The following DMD variants were observed in gnomAD, a reference collection of about 807,000 sequenced individuals.
The protein encoded by DMD is mutant dystrophin.
A neutral mutation model predicts 330.1 loss-of-function variants in DMD; 63 were observed. That is an observed-to-expected ratio of 0.19 (90% CI 0.16 to 0.24). DMD has a LOEUF of 0.24. Among genes scored for constraint, DMD ranks in the 10% least tolerant of loss-of-function variants. DMD has a pLI of 1.00. For synonymous variants in DMD, 1,223 were observed against 959.8 expected (o/e 1.27, Z -5.07); for missense variants, 3,344 against 2,684.1 (o/e 1.25, Z -5.43).
At chrX:32,538,689 A>T (rs2048218130) in intron 17 of DMD, among the ~76,000 whole-genome samples, 1 of 111,415 alleles carries the variant, frequency 9.0e-6, no homozygotes, top group Non-Finnish European at 1.9e-5. Context: ...TGTGGGCCCT[A>T]AATCAGTAGC....
chrX:31,666,064 G>A (rs1569200144), intron 53 of DMD, among the ~76,000 whole-genome samples: 2 of 111,920 alleles, frequency 1.8e-5, no homozygotes, highest in Admixed American at 9.5e-5. Flanking sequence ...TCTGAGAAAA[G>A]TCAGTTGAGA....
intron 44 of DMD, among the ~76,000 whole-genome samples, chrX:32,141,678 AACACACACACACACACAC>A (rs56858722): frequency 1.5e-4 from 13 of 88,113 alleles, no homozygotes; most frequent in East Asian, 3.9e-4. Context: ...TATAGAGTGC[AACACACACACACACACAC>A]ACACACACAC....
At chrX:32,111,445 A>G (rs910087763) in intron 44 of DMD, among the ~76,000 whole-genome samples, 9 of 112,220 alleles carry the variant, frequency 8.0e-5, no homozygotes, top group Non-Finnish European at 1.7e-4. Flanking sequence ...CCACTTTGTT[A>G]CAGAGATAAG....
At chrX:32,543,288 A>G (rs1385473652) in intron 17 of DMD, among the ~76,000 whole-genome samples, 2 of 111,015 alleles carry the variant, frequency 1.8e-5, no homozygotes, top group Non-Finnish European at 3.8e-5. Context: ...GTATTTCACC[A>G]CTAGCCACTC....
At chrX:32,059,895 G>A (rs1056377637) in intron 44 of DMD, among the ~76,000 whole-genome samples, 1 of 111,486 alleles carries the variant, frequency 9.0e-6, no homozygotes, top group Non-Finnish European at 1.9e-5. Context: ...AAAGAGAAAC[G>A]AAGCAGTTGT....
At chrX:33,097,769 C>T (rs989048492) in intron 1 of DMD, among the ~76,000 whole-genome samples, 8 of 108,823 alleles carry the variant, frequency 7.4e-5, no homozygotes, top group African/African-American at 1.3e-4. Flanking sequence ...GCACTGGCCA[C>T]CACGCCCGGC....
chrX:33,191,423 C>CTT (rs11459893), intron 1 of DMD, among the ~76,000 whole-genome samples: 1 of 107,050 alleles, frequency 9.3e-6, no homozygotes, highest in Non-Finnish European at 1.9e-5. Flanking sequence ...TTTACTTTTA[C>CTT]TTTTTTTTCG....
At chrX:31,535,513 T>C (rs2147552044) in intron 55 of DMD, among the ~76,000 whole-genome samples, 1 of 91,535 alleles carries the variant, frequency 1.1e-5, no homozygotes, top group African/African-American at 4.1e-5. Context: ...ATTTAAACGT[T>C]AGACCTAAAA....
At chrX:31,499,284 T>A (rs1603267864) in intron 56 of DMD, among the ~76,000 whole-genome samples, 1 of 110,908 alleles carries the variant, frequency 9.0e-6, no homozygotes, top group South Asian at 3.8e-4. Flanking sequence ...AAACAAAATA[T>A]CCTTGTGGCA....
chrX:31,245,566 CT>C (rs1164285223), intron 63 of DMD, among the ~76,000 whole-genome samples: 1 of 111,944 alleles, frequency 8.9e-6, no homozygotes, highest in Non-Finnish European at 1.9e-5. Flanking sequence ...TGTGGCAATC[CT>C]GTGTTGAGCA....
chrX:33,305,888 A>G (rs1004126437), intron 1 of DMD, among the ~76,000 whole-genome samples: 1 of 112,124 alleles, frequency 8.9e-6, no homozygotes, highest in African/African-American at 3.2e-5. Context: ...GTTTATGCAC[A>G]GAGGAAAAAT....
intron 44 of DMD, among the ~76,000 whole-genome samples, chrX:32,077,265 G>A (rs773996018): frequency 1.8e-5 from 2 of 110,568 alleles, no homozygotes; most frequent in South Asian, 7.7e-4. Context: ...TCATCTAGCT[G>A]CACCTTTATA....
chrX:31,745,986 T>C (rs2087803275), intron 51 of DMD, among the ~76,000 whole-genome samples: 1 of 112,099 alleles, frequency 8.9e-6, no homozygotes, highest in African/African-American at 3.2e-5. Flanking sequence ...CTGATATTTT[T>C]CTTTGGGAAA....
intron 2 of DMD, among the ~76,000 whole-genome samples, chrX:33,001,661 G>A (rs1008328024): frequency 1.8e-5 from 2 of 111,136 alleles, no homozygotes; most frequent in African/African-American, 3.3e-5. Context: ...ATTGGTTGAA[G>A]ACAAGAAAGA....
intron 53 of DMD, among the ~76,000 whole-genome samples, chrX:31,678,743 C>G (rs1017821923): frequency 3.1e-4 from 35 of 111,401 alleles, no homozygotes; most frequent in African/African-American, 8.5e-4. Flanking sequence ...AAAGAGTAGA[C>G]CTGTTACTTT....
At chrX:32,339,198 A>G (rs2097729628) in intron 41 of DMD, among the ~76,000 whole-genome samples, 1 of 111,353 alleles carries the variant, frequency 9.0e-6, no homozygotes, top group Admixed American at 9.6e-5. Context: ...CCCTGATCAT[A>G]CAGCACTCAA....
intron 30 of DMD, among the ~76,000 whole-genome samples, chrX:32,403,250 A>G (rs1485213355): frequency 3.6e-5 from 4 of 112,234 alleles, no homozygotes; most frequent in South Asian, 3.6e-4. Context: ...TCATTTGCAT[A>G]AGACAAAATT....
intron 60 of DMD, among the ~76,000 whole-genome samples, chrX:31,421,942 C>T (rs865918663): frequency 5.2e-4 from 25 of 47,640 alleles, no homozygotes; most frequent in African/African-American, 2.1e-3. Context: ...TACACACACA[C>T]ATATATATAT....
intron 30 of DMD, among the ~76,000 whole-genome samples, chrX:32,399,207 C>A (rs1446344103): frequency 8.9e-6 from 1 of 111,869 alleles, no homozygotes; most frequent in Non-Finnish European, 1.9e-5. Flanking sequence ...CACACAAGCA[C>A]AGGCAACCAA....
Sources: allele counts gnomAD v4.1 joint callset (sites outside exome capture counted in the v4.1 genomes callset), GRCh38; gene constraint gnomAD v4.1.1; transcripts MANE v1.5; gene names NCBI Gene and HGNC (gene_info 2026-07-23, HGNC 2026-07-21).